Variants in LRMDA observed in about 807,000 individuals in gnomAD.
LRMDA encodes leucine-rich melanocyte differentiation-associated protein.
In LRMDA, 18 loss-of-function variants were observed where a neutral mutation model predicts 29.8. The observed-to-expected ratio is 0.60, with a 90% CI of 0.42 to 0.90. The LOEUF (loss-of-function observed/expected upper bound fraction) is 0.90. Ranked by LOEUF, LRMDA falls within the 40% of genes least tolerant of loss-of-function variation. The pLI is 0.00. For missense variants in LRMDA, 273 were observed against 273.9 expected, an observed-to-expected ratio of 1.00 and a Z score of 0.02; for synonymous variants, 125 against 109.4, an observed-to-expected ratio of 1.14 and a Z score of -0.89.
intron 5 of LRMDA, among the ~76,000 whole-genome samples, chr10:76,274,652 T>A (rs1269201587): frequency 2.0e-5 from 3 of 152,200 alleles, no homozygotes; most frequent in African/African-American, 7.2e-5. Flanking sequence ...TGCTTTGCTA[T>A]GTATCAGGGC....
At chr10:76,151,054 A>G (rs888825327) in intron 5 of LRMDA, among the ~76,000 whole-genome samples, 2 of 152,146 alleles carry the variant, frequency 1.3e-5, no homozygotes, top group African/African-American at 4.8e-5. Flanking sequence ...CTGAACACCC[A>G]GCTGGGTCAT....
chr10:75,792,972 G>T (rs1047630276), intron 2 of LRMDA, among the ~76,000 whole-genome samples: 6 of 152,124 alleles, frequency 3.9e-5, no homozygotes, highest in African/African-American at 7.2e-5. Flanking sequence ...GATAGTTTGG[G>T]TCTGGTGCAA....
chr10:76,100,601 T>G (rs1325560021), intron 5 of LRMDA, among the ~76,000 whole-genome samples: 1 of 152,222 alleles, frequency 6.6e-6, no homozygotes, highest in Non-Finnish European at 1.5e-5. Flanking sequence ...GTAGGAGACC[T>G]CTGATAGTCC....
chr10:75,559,102 G>C (rs561204266), intron 2 of LRMDA, among the ~76,000 whole-genome samples: 1,939 of 151,444 alleles, frequency 0.013, 47 homozygotes, highest in African/African-American at 0.044. Flanking sequence ...CTGAGGAATC[G>C]CCACACTGAC....
chr10:76,446,120 T>C (rs1025203664), intron 6 of LRMDA, among the ~76,000 whole-genome samples: 6 of 152,216 alleles, frequency 3.9e-5, no homozygotes, highest in Admixed American at 2.6e-4. Flanking sequence ...TAAAAATTAT[T>C]ATCACAGTGT....
At chr10:75,541,527 A>AT (rs1840014981) in intron 2 of LRMDA, among the ~76,000 whole-genome samples, 1 of 151,116 alleles carries the variant, frequency 6.6e-6, no homozygotes, top group African/African-American at 2.4e-5. Flanking sequence ...AGTGAAATTT[A>AT]TTTTTTAATC....
chr10:75,569,341 G>A (rs1007282378), intron 2 of LRMDA, among the ~76,000 whole-genome samples: 1 of 152,174 alleles, frequency 6.6e-6, no homozygotes, highest in East Asian at 1.9e-4. Flanking sequence ...CAAGGGAGAA[G>A]TGGCTAAAAA....
At chr10:76,462,957 G>C (rs905000068) in intron 6 of LRMDA, among the ~76,000 whole-genome samples, 1 of 152,206 alleles carries the variant, frequency 6.6e-6, no homozygotes, top group Non-Finnish European at 1.5e-5. Context: ...AACCGAGGCA[G>C]TGCACAGAGC....
rs142146665 is a variant in LRMDA, at chr10:76,375,999, T to C, written c.601+51514T>C. Among the ~76,000 whole-genome samples the C allele has an allele frequency of 5.7e-3, 864 of 152,190 alleles. 5 individuals carry two copies. The highest frequency in any genetic ancestry group is 0.019 in the African/African-American group (798 of 41,522). ...GACAGATGGAAACGTGTCATAGTTT[T>C]TGGGTTTTTTTTAATAGACATGAGG... is the stretch of plus-strand genomic sequence containing the variant. On this transcript the variant is annotated intron_variant, in intron 6 of 6. Coordinates refer to ENST00000611255, the MANE Select transcript of LRMDA (RefSeq NM_001305581.2).
At chr10:76,373,740 T>G (rs1289238754) in intron 6 of LRMDA, among the ~76,000 whole-genome samples, 1 of 152,206 alleles carries the variant, frequency 6.6e-6, no homozygotes, top group Non-Finnish European at 1.5e-5. Context: ...CTATCCCATC[T>G]ATCCCCTCAT....
chr10:75,721,662 T>C (rs753334238), intron 2 of LRMDA, among the ~76,000 whole-genome samples: 10 of 152,236 alleles, frequency 6.6e-5, no homozygotes, highest in African/African-American at 1.9e-4. Flanking sequence ...CATTCCATTA[T>C]GCACAAAGGT....
At chr10:75,452,461 C>A (rs1334182364) in intron 2 of LRMDA, among the ~76,000 whole-genome samples, 1 of 151,802 alleles carries the variant, frequency 6.6e-6, no homozygotes, top group Non-Finnish European at 1.5e-5. Context: ...TTTTTTTTCC[C>A]CTTTGCTTCT....
intron 2 of LRMDA, among the ~76,000 whole-genome samples, chr10:75,661,278 C>T (rs912341678): frequency 2.0e-5 from 3 of 152,182 alleles, no homozygotes; most frequent in Non-Finnish European, 4.4e-5. Flanking sequence ...CCTCGACTCT[C>T]GAAGGATCCC....
At chr10:75,783,609 G>T (rs889666766) in intron 2 of LRMDA, among the ~76,000 whole-genome samples, 3 of 152,010 alleles carry the variant, frequency 2.0e-5, no homozygotes, top group African/African-American at 7.2e-5. Flanking sequence ...GAATCCACGT[G>T]CCATCCCTCC....
At chr10:76,470,674 A>C (rs1842609016) in intron 6 of LRMDA, among the ~76,000 whole-genome samples, 1 of 152,214 alleles carries the variant, frequency 6.6e-6, no homozygotes, top group Non-Finnish European at 1.5e-5. Flanking sequence ...CACTTAATTG[A>C]GGTATCTAAA....
intron 2 of LRMDA, among the ~76,000 whole-genome samples, chr10:75,916,188 GT>G (rs1564605846): frequency 0.043 from 5,809 of 134,104 alleles, 180 homozygotes; most frequent in Middle Eastern, 0.16. Flanking sequence ...GTGTGTGTGT[GT>G]GTGTGTGGGT....
At chr10:75,843,534 C>G (rs912506399) in intron 2 of LRMDA, among the ~76,000 whole-genome samples, 1 of 152,020 alleles carries the variant, frequency 6.6e-6, no homozygotes, top group African/African-American at 2.4e-5. Context: ...TTCCTTCAGC[C>G]CAGGCAAAGT....
chr10:76,200,234 G>A (rs1055635022), intron 5 of LRMDA, among the ~76,000 whole-genome samples: 9 of 152,196 alleles, frequency 5.9e-5, no homozygotes, highest in Non-Finnish European at 8.8e-5. Context: ...CAAGTGCTGG[G>A]ATGACAGGCA....
At chr10:75,935,121 C>A (rs1266424526) in intron 2 of LRMDA, among the ~76,000 whole-genome samples, 2 of 152,166 alleles carry the variant, frequency 1.3e-5, no homozygotes, top group African/African-American at 2.4e-5. Flanking sequence ...TCTTTCCCGT[C>A]TCCATCCTTC....
Sources: allele counts gnomAD v4.1 joint callset (sites outside exome capture counted in the v4.1 genomes callset), GRCh38; gene constraint gnomAD v4.1.1; transcripts MANE v1.5; gene names NCBI Gene and HGNC (gene_info 2026-07-23, HGNC 2026-07-21).